The following NPS variants were observed in gnomAD, a reference collection of about 807,000 sequenced individuals.
The protein encoded by NPS is prepro-neuropeptide S.
NPS carries 6 observed loss-of-function variants against 7.2 expected under a neutral mutation model. The ratio of observed to expected loss-of-function variants is 0.83; its 90% CI spans 0.46 to 1.64. NPS has a LOEUF of 1.64. Ranked by LOEUF, NPS falls within the 40% of genes most tolerant of loss-of-function variation. The probability of loss-of-function intolerance (pLI) is 0.01; values close to 1 mark genes in which losing one functional copy is unlikely to be tolerated. For missense variants in NPS, 123 were observed against 97.8 expected (o/e 1.26, Z -1.09); for synonymous variants, 42 against 36.7 (o/e 1.14, Z -0.52).
Position 127,549,365 on chromosome 10 carries a change from C to CA in NPS, c.1dup. 1 of 1,607,692 alleles carries CA rather than the reference C, an allele frequency of 6.2e-7. No homozygotes were observed. Among genetic ancestry groups the CA allele is most frequent in the Non-Finnish European group, 8.5e-7 (1 of 1,175,390 alleles). ...CTATCTTTACAGATTTTGGGAAGTC[C>CA]AAAATGATTAGGTAAAAGGCTACGT... is the stretch of plus-strand genomic sequence containing the variant. On this transcript the variant is annotated 5_prime_UTR_variant, in exon 1 of 3. Coordinates refer to ENST00000398023, the MANE Select transcript of NPS (RefSeq NM_001030013.2).
At chr10:127,549,459 T>C (rs1844836237) in intron 1 of NPS, 30 bp from the exon 2 acceptor site, 4 of 1,593,536 alleles carry the variant, frequency 2.5e-6, no homozygotes, top group Non-Finnish European at 3.4e-6. Flanking sequence ...TGAGACTAAA[T>C]CTTGATTGTA....
intron 2 of NPS, among the ~76,000 whole-genome samples, chr10:127,551,768 G>A (rs1020948648): frequency 5.9e-5 from 9 of 152,260 alleles, no homozygotes; most frequent in African/African-American, 9.6e-5. Flanking sequence ...CCAAGCCCTG[G>A]GTCAGAGCTG....
chr10:127,550,867 C>A (rs998944519), intron 2 of NPS, among the ~76,000 whole-genome samples: 1 of 152,176 alleles, frequency 6.6e-6, no homozygotes, highest in Non-Finnish European at 1.5e-5. Flanking sequence ...TCACTGAGTC[C>A]ATTAACCAGG....
chr10:127,550,762 A>T (rs908518634), intron 2 of NPS, among the ~76,000 whole-genome samples: 5 of 152,202 alleles, frequency 3.3e-5, no homozygotes, highest in Non-Finnish European at 5.9e-5. Context: ...TTCCGTAGTA[A>T]GAGTGTGGAT....
intron 2 of NPS, among the ~76,000 whole-genome samples, chr10:127,551,390 T>G (rs1844857632): frequency 1.3e-5 from 2 of 152,088 alleles, no homozygotes; most frequent in African/African-American, 4.8e-5. Context: ...CGTTTCGACT[T>G]CCATACAGTA....
rs1363087534 is a variant in NPS at position 127,553,066 on chromosome 10, G to T, written c.*427G>T. Among the ~76,000 whole-genome samples the T allele has an allele frequency of 6.6e-6, 1 of 151,886 alleles. No homozygotes were observed. Among genetic ancestry groups the T allele is most frequent in the Non-Finnish European group, 1.5e-5 (1 of 67,998 alleles). Reference sequence around the variant, plus strand: ...ATGACTTAACAGGCTCAATTCTTGGGGTGGGGGGATGTGCTATTTCTGTTT... The same window carrying T: ...ATGACTTAACAGGCTCAATTCTTGGTGTGGGGGGATGTGCTATTTCTGTTT... On this transcript the variant is annotated 3_prime_UTR_variant, in exon 3 of 3. Coordinates refer to ENST00000398023, the MANE Select transcript of NPS (RefSeq NM_001030013.2).
At position 127,552,889 on chromosome 10, in the gene NPS, T is replaced by C. The variant is rs573852191; in HGVS notation, c.*250T>C. Among the ~76,000 whole-genome samples, 1 of 152,344 alleles carries C rather than the reference T, an allele frequency of 6.6e-6. No homozygotes were observed. The highest frequency in any genetic ancestry group is 1.9e-4 in the East Asian group (1 of 5,186). On this transcript the variant is annotated 3_prime_UTR_variant, in exon 3 of 3. Coordinates refer to ENST00000398023, the MANE Select transcript of NPS (RefSeq NM_001030013.2). ...GGTCCATTAGTAACTTTTTCCTGAA[T>C]GGGATGGACACTTTTGCTTTGCTTT...
chr10:127,552,681 G>A lies in NPS; in HGVS notation c.*42G>A, dbSNP rs987966632. 4.5e-6 allele frequency: 6 copies of A among 1,339,224 alleles called. No homozygotes were observed. Among genetic ancestry groups the A allele is most frequent in the East Asian group, 4.6e-5 (2 of 43,542 alleles). The allele number at this position is 1,339,224 out of a possible 1,614,324, so 83.0% of individuals were successfully genotyped here. A position where few individuals can be genotyped will look rare whatever the true frequency, so the allele number is the denominator to read the frequency against. On this transcript the variant is annotated 3_prime_UTR_variant, in exon 3 of 3. Transcript: ENST00000398023. ...CTCGGGGAATTAATCTAACTGTAGA[G>A]TGTGACTGACGTACTCAAAGTCCAT...
chr10:127,550,483 A>G (rs1263702831), intron 2 of NPS, among the ~76,000 whole-genome samples: 1 of 152,118 alleles, frequency 6.6e-6, no homozygotes, highest in Non-Finnish European at 1.5e-5. Flanking sequence ...CACCACATTG[A>G]TCAAGCTGAT....
Position 127,551,151 on chromosome 10 carries a change from C to A in NPS, c.91-1309C>A, listed in dbSNP as rs113162812. On this transcript the variant is annotated intron_variant, in intron 2 of 2. Coordinates refer to ENST00000398023, the MANE Select transcript of NPS (RefSeq NM_001030013.2). ...TGTTTAGATTTCCTCTGTTAGCACA[C>A]GGAAAAATACATAGTGGATGTCCGA... 5.7e-3 allele frequency among the ~76,000 whole-genome samples: 863 copies of A among 152,120 alleles called. 9 individuals are homozygous for A. The highest frequency in any genetic ancestry group is 0.02 in the African/African-American group (812 of 41,476).
Position 127,552,779 on chromosome 10 carries a change from A to C in NPS, c.*140A>C. ...TTTCCTCTCCTGACTGGTACAGAGT[A>C]AATTGAGTAAAAAAAGAAAAAAAAT... On this transcript the variant is annotated 3_prime_UTR_variant, in exon 3 of 3. Coordinates refer to ENST00000398023, the MANE Select transcript of NPS (RefSeq NM_001030013.2). 1.9e-6 allele frequency: 1 copy of C among 528,970 alleles called. No homozygotes were observed. The highest frequency in any genetic ancestry group is 3.3e-6 in the Non-Finnish European group (1 of 304,326). The allele number at this position is 528,970 out of a possible 1,614,324, so 32.8% of individuals were successfully genotyped here.
intron 2 of NPS, among the ~76,000 whole-genome samples, chr10:127,550,413 C>CT (rs1019886715): frequency 4.6e-5 from 7 of 151,908 alleles, no homozygotes; most frequent in East Asian, 3.9e-4. Context: ...AATATAGCTT[C>CT]TTTTTTTTGG....
In NPS at chr10:127,552,717, T is replaced by A; in HGVS notation, c.*78T>A. The A allele has an allele frequency of 1.1e-6, 1 of 909,570 alleles. No individual in the cohort carries two copies. Among genetic ancestry groups the A allele is most frequent in the South Asian group, 1.5e-5 (1 of 66,458 alleles). 56.3% of individuals were successfully genotyped at this position (909,570 alleles called of 1,614,324 possible). A position where few individuals can be genotyped will look rare whatever the true frequency, so the allele number is the denominator to read the frequency against. Reference sequence around the variant, plus strand: ...GTACTCAAAGTCCATCGTCTCTTTATCATTGAGTGTTGGCATGCTCTCTAT... The same window carrying A: ...GTACTCAAAGTCCATCGTCTCTTTAACATTGAGTGTTGGCATGCTCTCTAT... On this transcript the variant is annotated 3_prime_UTR_variant, in exon 3 of 3. Coordinates refer to ENST00000398023, the MANE Select transcript of NPS (RefSeq NM_001030013.2).
rs772566538 is a variant in NPS at position 127,552,515 on chromosome 10, T to G, written c.146T>G (p.Leu49Trp). The G allele has an allele frequency of 1.2e-6, 2 of 1,612,814 alleles. No homozygotes were observed. The highest frequency in any genetic ancestry group is 2.7e-5 in the African/African-American group (2 of 74,882). ...LILLNSCPTR[L>W]DRSKELAFLK... ...CTGCTGAACAGCTGCCCAACCAGAT[T>G]GGACAGGAGCAAAGAACTAGCTTTT... Residue 49 changes from leucine (L) to tryptophan (W), a missense_variant, in exon 3 of 3, where the codon TTG becomes TGG. Transcript: ENST00000398023.
At position 127,553,313 on chromosome 10, in the gene NPS, TAAC is replaced by T. The variant is rs1844875883; in HGVS notation, c.*685_*687del. ...TCTTTAAGCACAGAAATGCTGCCAG[TAAC>T]AACAACAACAGAGAGACTGAGAGTG... On this transcript the variant is annotated 3_prime_UTR_variant, in exon 3 of 3. Coordinates refer to ENST00000398023, the MANE Select transcript of NPS (RefSeq NM_001030013.2). Among the ~76,000 whole-genome samples the T allele has an allele frequency of 6.6e-6, 1 of 152,234 alleles. No homozygotes were observed. Among genetic ancestry groups the T allele is most frequent in the East Asian group, 1.9e-4 (1 of 5,180 alleles).
In NPS at chr10:127,552,638, G is replaced by A. The variant is rs1399337802; in HGVS notation, c.269G>A (p.Ter90=). Residue 90 remains the stop codon, a stop_retained_variant, in exon 3 of 3, where the codon TGA becomes TAA. Transcript: ENST00000398023. ...ACTTCCTTTCAAAGAGCAAAATCAT[G>A]ACTAAGTGTGCAAAGGACTCGGGGA... ...KKTSFQRAKS[*] 6.2e-7 allele frequency: 1 copy of A among 1,606,070 alleles called. No individual in the cohort carries two copies. The highest frequency in any genetic ancestry group is 8.5e-7 in the Non-Finnish European group (1 of 1,172,956).
chr10:127,551,288 T>C (rs1844856827), intron 2 of NPS, among the ~76,000 whole-genome samples: 1 of 151,678 alleles, frequency 6.6e-6, no homozygotes, highest in Non-Finnish European at 1.5e-5. Flanking sequence ...CAGAGGCCAG[T>C]GGGAATGATT....
At chr10:127,551,269 T>C (rs1363074074) in intron 2 of NPS, among the ~76,000 whole-genome samples, 1 of 152,018 alleles carries the variant, frequency 6.6e-6, no homozygotes, top group Non-Finnish European at 1.5e-5. Flanking sequence ...AAAGCCCATT[T>C]TTTTTCCCCA....
At chr10:127,550,696 G>T (rs1331682052) in intron 2 of NPS, among the ~76,000 whole-genome samples, 1 of 152,090 alleles carries the variant, frequency 6.6e-6, no homozygotes, top group Non-Finnish European at 1.5e-5. Context: ...TCCTTTCACT[G>T]CATTTTCCTT....
Sources: gnomAD v4.1 joint callset for allele counts (sites outside exome capture counted in the v4.1 genomes callset) on GRCh38, gnomAD v4.1.1 for gene constraint, MANE v1.5 for transcripts, NCBI Gene and HGNC (gene_info 2026-07-23, HGNC 2026-07-21) for gene names.